The following GDF1 variants were observed in gnomAD, a reference collection of about 807,000 sequenced individuals.
GDF1 encodes growth differentiation factor 1.
In GDF1, 8 loss-of-function variants were observed where a neutral mutation model predicts 7.4. The observed-to-expected ratio is 1.09, with a 90% confidence interval of 0.64 to 1.96. The LOEUF (loss-of-function observed/expected upper bound fraction) is 1.96, where lower values mean the gene tolerates loss of function less well. GDF1 is among the 30% of genes most tolerant of loss of function. GDF1 has a pLI of 0.00. For missense variants in GDF1, 574 were observed against 551.5 expected (o/e 1.04, Z -0.41); for synonymous variants, 311 against 276.7 (o/e 1.12, Z -1.23).
chr19:18,882,789 T>C (rs1601169791), intron 3 of GDF1, among the ~76,000 whole-genome samples: 1 of 151,788 alleles, frequency 6.6e-6, no homozygotes, highest in Non-Finnish European at 1.5e-5. Context: ...GCCTCCCGGG[T>C]TCATGCCATT....
At chr19:18,883,190 G>C (rs1752300407) in intron 3 of GDF1, 1 of 152,106 alleles carries the variant, frequency 6.6e-6, no homozygotes, top group African/African-American at 2.4e-5. Context: ...TGTGGGGCGT[G>C]GCTACCCTAT....
chr19:18,870,620 C>A lies in GDF1; in HGVS notation c.-312-1G>T, dbSNP rs866530442. 1 of 576,966 alleles carries A rather than the reference C, an allele frequency of 1.7e-6. No homozygotes were observed. The highest frequency in any genetic ancestry group is 2.5e-5 in the South Asian group (1 of 40,666). 35.7% of individuals were successfully genotyped at this position (576,966 alleles called of 1,614,324 possible). ...CACCAGGCCGTTCCTCAGTGGCTTC[C>A]TGGGGGTCAGAACCGGCGCAGGTTA... is the stretch of plus-strand genomic sequence containing the variant. On this transcript the variant is annotated splice_acceptor_variant, in intron 6 of 7. Coordinates refer to ENST00000247005, the MANE Select transcript of GDF1 (RefSeq NM_001492.6). LOFTEE classifies it low-confidence loss of function (5UTR_SPLICE). This position sits in a 1 kb window ranked among gnomAD's most constrained non-coding sequence, Gnocchi z 5.1.
chr19:18,883,944 C>G (rs2056280597), intron 3 of GDF1, 143 bp downstream of exon 3: 1 of 844,978 alleles, frequency 1.2e-6, no homozygotes, highest in Non-Finnish European at 1.8e-6. Context: ...CGTCGGACCC[C>G]TGAGCACTCT....
At chr19:18,869,903 G>T in intron 7 of GDF1, 80 bp downstream of exon 7, 1 of 1,397,850 alleles carries the variant, frequency 7.2e-7, no homozygotes, top group Non-Finnish European at 9.8e-7. Context: ...AGCTGCTCGG[G>T]CATCCCCGGG....
intron 2 of GDF1, 95 bp downstream of exon 2, chr19:18,893,321 C>T (rs1256965608): frequency 1.4e-6 from 2 of 1,385,954 alleles, no homozygotes; most frequent in Non-Finnish European, 1.9e-6. Flanking sequence ...CTCCAGTGAT[C>T]CTCCTGCTTC....
At chr19:18,875,495 A>G (rs2056044553) in intron 6 of GDF1, among the ~76,000 whole-genome samples, 1 of 151,494 alleles carries the variant, frequency 6.6e-6, no homozygotes, top group Admixed American at 6.6e-5. Context: ...GTGAGCTGAG[A>G]TCACACCACT....
In GDF1 at chr19:18,868,936, G is replaced by T. The variant is rs886042202; in HGVS notation, c.780C>A (p.Gly260=). The change falls in exon 8 of 8, where the codon GGC becomes GGA. Residue 260 remains glycine, a synonymous_variant. Transcript: ENST00000247005. ...RPRRDAEPVL[G]GGPGGACRAR... is the part of the protein sequence containing the mutation. The stretch of plus-strand genomic sequence containing the variant: ...CGCGACAAGCGCCCCCGGGGCCGCC[G>T]CCCAACACGGGTTCGGCGTCGCGCC... 4 of 1,285,384 alleles carry T rather than the reference G, an allele frequency of 3.1e-6. No homozygotes were observed. Among genetic ancestry groups the T allele is most frequent in the Non-Finnish European group, 4.0e-6 (4 of 1,009,900 alleles). 79.6% of individuals were successfully genotyped at this position (1,285,384 alleles called of 1,614,324 possible). A position where few individuals can be genotyped will look rare whatever the true frequency, so the allele number is the denominator to read the frequency against.
intron 6 of GDF1, among the ~76,000 whole-genome samples, chr19:18,876,446 A>T (rs1260524864): frequency 6.6e-6 from 1 of 151,702 alleles, no homozygotes; most frequent in South Asian, 2.1e-4. Flanking sequence ...GGCTTAAGTG[A>T]TCCTCCCACC....
intron 6 of GDF1, among the ~76,000 whole-genome samples, chr19:18,872,031 C>T (rs556715521): frequency 1.8e-4 from 28 of 152,288 alleles, no homozygotes; most frequent in African/African-American, 5.3e-4. Flanking sequence ...AGAGGGTCCC[C>T]GTGCTTTCCA....
intron 7 of GDF1, among the ~76,000 whole-genome samples, chr19:18,869,625 A>AG (rs1217343729): frequency 1.7e-5 from 2 of 114,360 alleles, no homozygotes; most frequent in Non-Finnish European, 3.6e-5. Flanking sequence ...GCATAGGAGG[A>AG]GGGGTGGCCG....
In GDF1 at chr19:18,870,268, G is replaced by A. The variant is rs1007855858; in HGVS notation, c.40C>T (p.Leu14Phe). The change falls in exon 7 of 8, where the codon CTC becomes TTC. Residue 14 changes from leucine to phenylalanine, a missense_variant. Physicochemically the swap from Leu to Phe is conservative, Grantham distance 22. Coordinates refer to ENST00000247005, the MANE Select transcript of GDF1 (RefSeq NM_001492.6). The surrounding 1 kb of genome is among the most constrained non-coding windows in gnomAD (Gnocchi z 5.1). ...GGCAGCAGCAGGGCCAGGAGGAGGA[G>A]GAGGTGGTGGCCGCAGGGACCTTGC... ...PQQGPCGHHL[L>F]LLLALLLPSL... 9 of 1,550,192 alleles carry A rather than the reference G, an allele frequency of 5.8e-6. No individual in the cohort carries two copies. Among genetic ancestry groups the A allele is most frequent in the East Asian group, 2.4e-5 (1 of 41,746 alleles).
intron 2 of GDF1, among the ~76,000 whole-genome samples, chr19:18,891,229 G>A (rs986269680): frequency 1.3e-5 from 2 of 152,166 alleles, no homozygotes; most frequent in Non-Finnish European, 2.9e-5. Flanking sequence ...TGTGTTACAT[G>A]GGAAAACTGG....
chr19:18,892,922 T>A (rs1278993845), intron 2 of GDF1, among the ~76,000 whole-genome samples: 2 of 151,922 alleles, frequency 1.3e-5, no homozygotes, highest in Non-Finnish European at 2.9e-5. Context: ...GTTCTTTTTT[T>A]CTTTTCTTTT....
At chr19:18,886,041 G>T (rs1251991521) in intron 2 of GDF1, among the ~76,000 whole-genome samples, 1 of 152,100 alleles carries the variant, frequency 6.6e-6, no homozygotes, top group Non-Finnish European at 1.5e-5. Flanking sequence ...TGACACACCA[G>T]CCCACCCCAC....
In GDF1 at chr19:18,868,940, A is replaced by C; in HGVS notation, c.776T>G (p.Leu259Trp). Reference protein sequence around the residue: ...ARPRRDAEPVLGGGPGGACRA... With the variant: ...ARPRRDAEPVWGGGPGGACRA... ...ACAAGCGCCCCCGGGGCCGCCGCCC[A>C]ACACGGGTTCGGCGTCGCGCCGCGG... Residue 259 changes from leucine to tryptophan, a missense_variant, in exon 8 of 8, where the codon TTG (leucine) becomes TGG (tryptophan). Leu to Trp is a moderately conservative substitution (Grantham distance 61). Coordinates refer to ENST00000247005, the MANE Select transcript of GDF1 (RefSeq NM_001492.6). 1 of 1,275,714 alleles carries C rather than the reference A, an allele frequency of 7.8e-7. No homozygotes were observed. The highest frequency in any genetic ancestry group is 9.9e-7 in the Non-Finnish European group (1 of 1,005,070). 79.0% of individuals were successfully genotyped at this position (1,275,714 alleles called of 1,614,324 possible). A position where few individuals can be genotyped will look rare whatever the true frequency, so the allele number is the denominator to read the frequency against.
intron 3 of GDF1, 148 bp downstream of exon 3, chr19:18,883,939 G>T: frequency 2.6e-6 from 2 of 764,786 alleles, no homozygotes; most frequent in Non-Finnish European, 4.0e-6. Context: ...CCCCTCGTCG[G>T]ACCCCTGAGC....
rs1317044631 is a variant in GDF1, at chr19:18,895,432, AGC to A, written c.-1074+390_-1074+391del. On this transcript the variant is annotated intron_variant, in intron 1 of 7. Coordinates refer to ENST00000247005, the MANE Select transcript of GDF1 (RefSeq NM_001492.6). The surrounding 1 kb of genome is among the most constrained non-coding windows in gnomAD (Gnocchi z 6.4). ...TGTCTGGCTCGGCCCTGCCGGAAAG[AGC>A]GCGCGGTGGCCGGAGCCATCCACCG... is the stretch of plus-strand genomic sequence containing the variant. Among the ~76,000 whole-genome samples the A allele has an allele frequency of 6.6e-6, 1 of 151,816 alleles. No individual in the cohort carries two copies. The highest frequency in any genetic ancestry group is 6.5e-5 in the Admixed American group (1 of 15,268).
At chr19:18,881,014 T>C (rs1388484563) in intron 3 of GDF1, among the ~76,000 whole-genome samples, 3 of 151,906 alleles carry the variant, frequency 2.0e-5, no homozygotes, top group Non-Finnish European at 2.9e-5. Flanking sequence ...AGTTCCTTGC[T>C]GGCCCCTCCT....
In GDF1 at chr19:18,870,000, C is replaced by A; in HGVS notation, c.308G>T (p.Arg103Leu). The stretch of plus-strand genomic sequence containing the variant: ...CCACTCACCGCGGTCCGGGATGTGG[C>A]GCACGATGTTTCCGGCGACCCCCAG... ...EELGVAGNIV[R>L]HIPDRGAPTR... is the part of the protein sequence containing the mutation. Residue 103 changes from arginine to leucine, a missense_variant, in exon 7 of 8, where the codon CGC (arginine) becomes CTC (leucine). Coordinates refer to ENST00000247005, the MANE Select transcript of GDF1 (RefSeq NM_001492.6). 3 of 1,595,504 alleles carry A rather than the reference C, an allele frequency of 1.9e-6. No individual in the cohort carries two copies. Among genetic ancestry groups the A allele is most frequent in the Non-Finnish European group, 1.7e-6 (2 of 1,172,662 alleles).
Sources: allele counts gnomAD v4.1 joint callset (sites outside exome capture counted in the v4.1 genomes callset), GRCh38; gene constraint gnomAD v4.1.1; non-coding constraint Gnocchi (gnomAD v3.1); transcripts MANE v1.5; gene names NCBI Gene and HGNC (gene_info 2026-07-23, HGNC 2026-07-21).